HHAT: variants seen among roughly 807,000 people sequenced by gnomAD.
HHAT encodes the protein hedgehog acyltransferase.
A neutral mutation model predicts 70.8 loss-of-function variants in HHAT; 47 were observed. That is an observed-to-expected ratio of 0.66 (90% CI 0.53 to 0.85). HHAT has a LOEUF of 0.85. HHAT is among the 40% of genes least tolerant of loss of function. The probability of loss-of-function intolerance (pLI) is 0.00; values close to 1 mark genes in which losing one functional copy is unlikely to be tolerated. For synonymous variants in HHAT, 228 were observed against 247.6 expected (o/e 0.92, Z 0.74); for missense variants, 609 against 604.8 (o/e 1.01, Z -0.07).
At position 210,404,671 on chromosome 1, in the gene HHAT, A is replaced by C; in HGVS notation, c.676A>C (p.Ile226Leu). The stretch of plus-strand genomic sequence containing the variant: ...GCCCATCCTCAGCTTCTCGGAGTTC[A>C]TCAAACAGGTAGAGCCCGCTGGGGA... The part of the protein sequence containing the change: ...NGPILSFSEF[I>L]KQMQQQEHDS... Residue 226 changes from isoleucine to leucine, a missense_variant, in exon 6 of 12, where the codon ATC becomes CTC. Coordinates refer to ENST00000261458, the MANE Select transcript of HHAT (RefSeq NM_018194.6). 6.2e-7 allele frequency: 1 copy of C among 1,613,202 alleles called. No individual in the cohort carries two copies. The highest frequency in any genetic ancestry group is 8.5e-7 in the Non-Finnish European group (1 of 1,179,256).
chr1:210,623,972 T>C (rs1433035194), intron 11 of HHAT, among the ~76,000 whole-genome samples: 1 of 152,206 alleles, frequency 6.6e-6, no homozygotes, highest in Non-Finnish European at 1.5e-5. Flanking sequence ...TTATTTGATA[T>C]TTCTTAATCT....
At chr1:210,484,752 A>G (rs745472603) in intron 8 of HHAT, among the ~76,000 whole-genome samples, 6 of 152,084 alleles carry the variant, frequency 3.9e-5, no homozygotes, top group Non-Finnish European at 7.4e-5. Flanking sequence ...TGGATGCACC[A>G]CTTCCTGTGT....
At chr1:210,339,977 AACCTTTC>A (rs2085863758) in intron 1 of HHAT, among the ~76,000 whole-genome samples, 1 of 152,086 alleles carries the variant, frequency 6.6e-6, no homozygotes, top group Non-Finnish European at 1.5e-5. Flanking sequence ...GTGTTGGTGA[AACCTTTC>A]TGGGTTTGGA....
At chr1:210,383,991 G>A (rs1401820132) in intron 3 of HHAT, among the ~76,000 whole-genome samples, 2 of 152,074 alleles carry the variant, frequency 1.3e-5, no homozygotes, top group African/African-American at 2.4e-5. Context: ...TCTTGGTGCT[G>A]GGGGTCTTCC....
At chr1:210,595,993 T>C (rs528887614) in intron 10 of HHAT, among the ~76,000 whole-genome samples, 49 of 152,366 alleles carry the variant, frequency 3.2e-4, no homozygotes, top group African/African-American at 1.2e-3. Context: ...TTTGTCAATT[T>C]TGGCTTTTGT....
chr1:210,536,541 G>C (rs2095373634), intron 9 of HHAT, among the ~76,000 whole-genome samples: 1 of 152,232 alleles, frequency 6.6e-6, no homozygotes, highest in South Asian at 2.1e-4. Context: ...CTCCTCTGCT[G>C]TATCATTTAC....
chr1:210,577,933 A>ATTTG (rs1658281221), intron 9 of HHAT, among the ~76,000 whole-genome samples: 3 of 152,254 alleles, frequency 2.0e-5, no homozygotes, highest in Admixed American at 6.5e-5. Flanking sequence ...GATGTGAGCC[A>ATTTG]CTGCGCCCAG....
intron 11 of HHAT, among the ~76,000 whole-genome samples, chr1:210,667,425 T>A (rs191168729): frequency 3.9e-5 from 6 of 152,144 alleles, no homozygotes; most frequent in South Asian, 2.1e-4. Context: ...TTTTCTCACA[T>A]CTTTTGTCTG....
intron 4 of HHAT, among the ~76,000 whole-genome samples, chr1:210,397,739 A>C (rs2091870008): frequency 6.6e-6 from 1 of 152,152 alleles, no homozygotes; most frequent in Admixed American, 6.5e-5. Context: ...TGGCCTTTGA[A>C]ATGCTTAGAA....
intron 4 of HHAT, among the ~76,000 whole-genome samples, chr1:210,388,908 G>C (rs1315608424): frequency 6.6e-6 from 1 of 152,140 alleles, no homozygotes; most frequent in East Asian, 1.9e-4. Flanking sequence ...TTACCTCTGT[G>C]AGGGGAAGAT....
chr1:210,486,884 G>A (rs886810946), intron 8 of HHAT, among the ~76,000 whole-genome samples: 23 of 152,156 alleles, frequency 1.5e-4, no homozygotes, highest in African/African-American at 5.5e-4. Flanking sequence ...CCAGCCTAAA[G>A]GAAAGCTTGA....
chr1:210,653,369 A>G (rs1675594010), intron 11 of HHAT, among the ~76,000 whole-genome samples: 2 of 152,136 alleles, frequency 1.3e-5, no homozygotes, highest in African/African-American at 2.4e-5. Flanking sequence ...AAATCATACA[A>G]AAGTTATCTG....
chr1:210,561,123 A>G (rs909371915), intron 9 of HHAT, among the ~76,000 whole-genome samples: 1 of 152,136 alleles, frequency 6.6e-6, no homozygotes, highest in East Asian at 1.9e-4. Context: ...GGTAAGTCCC[A>G]TAGAACTAGG....
At chr1:210,410,779 G>A (rs1458044040) in intron 6 of HHAT, among the ~76,000 whole-genome samples, 1 of 152,000 alleles carries the variant, frequency 6.6e-6, no homozygotes, top group Non-Finnish European at 1.5e-5. Flanking sequence ...GCCCGCCTTG[G>A]CCTCCCTAAG....
intron 7 of HHAT, among the ~76,000 whole-genome samples, chr1:210,455,989 C>A (rs919127581): frequency 4.6e-5 from 6 of 130,642 alleles, no homozygotes; most frequent in Admixed American, 4.6e-4. Context: ...ACTTTAGCAA[C>A]TGTAGGTAGA....
chr1:210,446,747 T>A (rs140505711), intron 7 of HHAT, among the ~76,000 whole-genome samples: 3 of 152,238 alleles, frequency 2.0e-5, no homozygotes, highest in Non-Finnish European at 4.4e-5. Context: ...CTTCCTGTCA[T>A]TCCCATCTCT....
intron 6 of HHAT, among the ~76,000 whole-genome samples, chr1:210,405,170 G>A (rs1399746413): frequency 3.3e-5 from 5 of 152,174 alleles, no homozygotes; most frequent in African/African-American, 1.2e-4. Context: ...AAACAGAGTG[G>A]AGTTGAAGTA....
At chr1:210,409,483 G>A (rs1202015841) in intron 6 of HHAT, among the ~76,000 whole-genome samples, 1 of 152,102 alleles carries the variant, frequency 6.6e-6, no homozygotes, top group African/African-American at 2.4e-5. Flanking sequence ...ATGGCTAGCG[G>A]GTGGGAGTAA....
chr1:210,444,249 A>G lies in HHAT; in HGVS notation c.857-20256A>G, dbSNP rs1232390915. 4.6e-3 allele frequency among the ~76,000 whole-genome samples: 439 copies of G among 96,380 alleles called. 16 individuals are homozygous for G. The highest frequency in any genetic ancestry group is 0.015 in the African/African-American group (426 of 27,694). 63.2% of individuals were successfully genotyped at this position (96,380 alleles called of 152,430 possible). A position where few individuals can be genotyped will look rare whatever the true frequency, so the allele number is the denominator to read the frequency against. On this transcript the variant is annotated intron_variant, in intron 7 of 11. Transcript: ENST00000261458. ...GATGTGCTGCTGGATTCGTTTTGCC[A>G]GTATTTTATTGAGGATTTTTGCATC...
Sources: allele counts gnomAD v4.1 joint callset (sites outside exome capture counted in the v4.1 genomes callset), GRCh38; gene constraint gnomAD v4.1.1; transcripts MANE v1.5; gene names NCBI Gene and HGNC (gene_info 2026-07-23, HGNC 2026-07-21).